The following SERGEF variants were observed in gnomAD, a reference collection of about 807,000 sequenced individuals.
The protein encoded by SERGEF is secretion-regulating guanine nucleotide exchange factor.
In SERGEF, 51 loss-of-function variants were observed where a neutral mutation model predicts 50.0. The ratio of observed to expected loss-of-function variants is 1.02; its 90% CI spans 0.81 to 1.29. The LOEUF (loss-of-function observed/expected upper bound fraction) is 1.29, where lower values mean the gene tolerates loss of function less well. Among genes scored for constraint, SERGEF ranks in the 50% most tolerant of loss-of-function variants. SERGEF has a pLI of 0.00. For missense variants in SERGEF, 521 were observed against 557.0 expected, an observed-to-expected ratio of 0.94 and a Z score of 0.65; for synonymous variants, 205 against 212.4, an observed-to-expected ratio of 0.97 and a Z score of 0.30.
intron 9 of SERGEF, among the ~76,000 whole-genome samples, chr11:17,887,938 C>G (rs1373414440): frequency 6.6e-6 from 1 of 152,146 alleles, no homozygotes; most frequent in Non-Finnish European, 1.5e-5. Context: ...GGCAAGGGAG[C>G]GAAGCTTCAT....
chr11:17,972,604 T>C (rs1853272970), intron 8 of SERGEF, among the ~76,000 whole-genome samples: 1 of 152,246 alleles, frequency 6.6e-6, no homozygotes, highest in Non-Finnish European at 1.5e-5. Context: ...AACTTTTATA[T>C]ACACTGGAAA....
intron 10 of SERGEF, among the ~76,000 whole-genome samples, chr11:17,846,309 T>C (rs928481940): frequency 6.6e-6 from 1 of 152,168 alleles, no homozygotes; most frequent in African/African-American, 2.4e-5. Flanking sequence ...AGCTCTGCAG[T>C]TAATACACGG....
At chr11:17,848,017 T>C (rs1479475966) in intron 10 of SERGEF, among the ~76,000 whole-genome samples, 2 of 152,156 alleles carry the variant, frequency 1.3e-5, no homozygotes, top group Admixed American at 6.5e-5. Context: ...TTATAAAATA[T>C]GCAGAAAACA....
At chr11:17,890,271 A>G (rs1851508896) in intron 9 of SERGEF, among the ~76,000 whole-genome samples, 2 of 152,158 alleles carry the variant, frequency 1.3e-5, no homozygotes, top group South Asian at 2.1e-4. Flanking sequence ...AAGTAAGTAA[A>G]TGTATTGAAG....
intron 8 of SERGEF, among the ~76,000 whole-genome samples, chr11:17,975,176 G>A (rs778546264): frequency 6.8e-4 from 104 of 152,218 alleles, no homozygotes; most frequent in Non-Finnish European, 4.6e-4. Flanking sequence ...CACATTGAGC[G>A]AAGCAAGGCT....
At chr11:17,855,735 G>C (rs553019140) in intron 10 of SERGEF, 1 of 152,302 alleles carries the variant, frequency 6.6e-6, no homozygotes, top group East Asian at 1.9e-4. Flanking sequence ...TGCAGATAAG[G>C]GGAACTACTG....
intron 10 of SERGEF, among the ~76,000 whole-genome samples, chr11:17,857,458 C>T (rs1294883268): frequency 6.6e-6 from 1 of 152,194 alleles, no homozygotes; most frequent in Non-Finnish European, 1.5e-5. Flanking sequence ...TCTTTGGCTA[C>T]CCTCGCCATT....
chr11:18,012,141 G>C (rs1386035605), intron 1 of SERGEF, among the ~76,000 whole-genome samples: 1 of 152,130 alleles, frequency 6.6e-6, no homozygotes, highest in African/African-American at 2.4e-5. Flanking sequence ...CAGACACCAA[G>C]AGAGGCACCG....
chr11:17,986,517 G>A (rs144915404), intron 8 of SERGEF, among the ~76,000 whole-genome samples: 12 of 152,384 alleles, frequency 7.9e-5, no homozygotes, highest in Non-Finnish European at 1.8e-4. Flanking sequence ...CAGCTGGGGT[G>A]ACTCAGACAG....
intron 10 of SERGEF, among the ~76,000 whole-genome samples, chr11:17,815,436 TAAAAA>T (rs763972184): frequency 4.4e-4 from 48 of 108,364 alleles, no homozygotes; most frequent in South Asian, 1.7e-3. Context: ...CCATCTCTAC[TAAAAA>T]AAAAAAAAAA....
At chr11:17,814,721 A>G (rs1849932602) in intron 10 of SERGEF, among the ~76,000 whole-genome samples, 1 of 152,206 alleles carries the variant, frequency 6.6e-6, no homozygotes, top group South Asian at 2.1e-4. Context: ...GTCTGTGAGG[A>G]AGTGGAATTT....
chr11:17,792,226 C>T (rs1849494167), intron 10 of SERGEF, among the ~76,000 whole-genome samples: 1 of 152,230 alleles, frequency 6.6e-6, no homozygotes, highest in South Asian at 2.1e-4. Flanking sequence ...GTTTGGCCCA[C>T]AAATGCGGAA....
intron 8 of SERGEF, among the ~76,000 whole-genome samples, chr11:17,977,939 G>A (rs143853734): frequency 3.3e-5 from 5 of 152,156 alleles, no homozygotes; most frequent in Non-Finnish European, 7.4e-5. Context: ...TATATCACTT[G>A]GTATAGCAGC....
At chr11:17,893,074 G>C (rs1851560889) in intron 9 of SERGEF, among the ~76,000 whole-genome samples, 1 of 152,176 alleles carries the variant, frequency 6.6e-6, no homozygotes, top group South Asian at 2.1e-4. Context: ...ACCTACCTGA[G>C]TGCCAGGCCA....
chr11:17,910,996 T>C (rs999035217), intron 9 of SERGEF, among the ~76,000 whole-genome samples: 2 of 152,016 alleles, frequency 1.3e-5, no homozygotes, highest in Admixed American at 6.6e-5. Context: ...GGAGGGAAAA[T>C]AGTACTTCAA....
At chr11:17,976,322 G>A (rs1258168557) in intron 8 of SERGEF, among the ~76,000 whole-genome samples, 1 of 152,046 alleles carries the variant, frequency 6.6e-6, no homozygotes, top group East Asian at 1.9e-4. Context: ...GACTCACTCT[G>A]TCGCCCAGGC....
intron 5 of SERGEF, among the ~76,000 whole-genome samples, chr11:17,998,440 C>T (rs3106531): frequency 0.014 from 471 of 33,460 alleles, 13 homozygotes; most frequent in African/African-American, 0.029. Context: ...TACATACATA[C>T]ATATATATAT....
In SERGEF at chr11:18,006,798, G is replaced by A. The variant is rs764872739; in HGVS notation, c.197-52C>T. 7 of 1,575,772 alleles carry A rather than the reference G, an allele frequency of 4.4e-6. No homozygotes were observed. The Admixed American group carries it at 9.3e-5, about 21-fold the overall frequency. ...AGCGTGCACAGGAAAAAACACAACT[G>A]CAAAATGAACAAAAAGATTTCACTA... On this transcript the variant is annotated intron_variant, in intron 2 of 10. Transcript: ENST00000265965.
intron 10 of SERGEF, chr11:17,846,803 G>A: frequency 2.2e-6 from 1 of 455,814 alleles, no homozygotes. Context: ...AACCCAGAAT[G>A]GTGGCTGACA....
Sources: gnomAD v4.1 joint callset for allele counts (sites outside exome capture counted in the v4.1 genomes callset) on GRCh38, gnomAD v4.1.1 for gene constraint, MANE v1.5 for transcripts, NCBI Gene and HGNC (gene_info 2026-07-23, HGNC 2026-07-21) for gene names.